The following DNAH11 variants were observed in gnomAD, a reference collection of about 807,000 sequenced individuals.
DNAH11 encodes dynein axonemal heavy chain 11, also known as axonemal beta dynein heavy chain 11.
DNAH11 carries 442 observed loss-of-function variants against 526.0 expected under a neutral mutation model. The ratio of observed to expected loss-of-function variants is 0.84; its 90% CI spans 0.78 to 0.91. DNAH11 has a LOEUF of 0.91. DNAH11 is among the 40% of genes least tolerant of loss of function. The pLI, the probability that DNAH11 is intolerant of heterozygous loss-of-function variation, is 0.00. For synonymous variants in DNAH11, 2,461 were observed against 1,935.9 expected (o/e 1.27, Z -7.12); for missense variants, 6,989 against 5,448.7 (o/e 1.28, Z -8.90).
chr7:21,715,904 C>A lies in DNAH11; in HGVS notation c.6984-1871C>A, dbSNP rs74990974. Among the ~76,000 whole-genome samples, 1,297 of 149,174 alleles carry A rather than the reference C, an allele frequency of 8.7e-3. 11 individuals carry two copies. The highest frequency in any genetic ancestry group is 0.017 in the African/African-American group (666 of 39,496). On this transcript the variant is annotated intron_variant, in intron 42 of 81. Transcript: ENST00000409508. ...TTCTCTCAAGCAGAATCGGCTCTTA[C>A]CACATCTCCTGGTTTGGTTGGACTG...
At chr7:21,810,252 A>C (rs1192037636) in intron 63 of DNAH11, among the ~76,000 whole-genome samples, 1 of 152,210 alleles carries the variant, frequency 6.6e-6, no homozygotes, top group Non-Finnish European at 1.5e-5. Context: ...GAGAAAACTG[A>C]GACAGACAAA....
In DNAH11 at chr7:21,717,880, A is replaced by G; in HGVS notation, c.7089A>G (p.Thr2363=). The G allele has an allele frequency of 2.5e-6, 4 of 1,613,848 alleles. No individual in the cohort carries two copies. The highest frequency in any genetic ancestry group is 3.4e-6 in the Non-Finnish European group (4 of 1,179,812). ...YVPACLDKLR[T]SFKTITSIPE... ...CTGCATGCTTGGATAAACTGAGAAC[A>G]AGCTTTAAAACCATCACTTCAATTC... The change falls in exon 43 of 82, where the codon ACA becomes ACG. Residue 2363 remains threonine, a synonymous_variant. Transcript: ENST00000409508.
chr7:21,749,360 C>T (rs953770538), intron 52 of DNAH11, among the ~76,000 whole-genome samples: 1 of 152,170 alleles, frequency 6.6e-6, no homozygotes, highest in African/African-American at 2.4e-5. Flanking sequence ...CTTCTTTTTA[C>T]GGCCCTGCCT....
rs764400872 is a variant in DNAH11 at position 21,611,967 on chromosome 7, ACT to A, written c.3853-3144_3853-3143del. Among the ~76,000 whole-genome samples the A allele has an allele frequency of 4.9e-4, 75 of 152,162 alleles. 1 individual carries two copies. The highest frequency in any genetic ancestry group is 9.4e-4 in the Non-Finnish European group (64 of 68,030). On this transcript the variant is annotated intron_variant, in intron 20 of 81. Coordinates refer to ENST00000409508, the MANE Select transcript of DNAH11 (RefSeq NM_001277115.2). ...CAAATTTGCTTCTTAGAAAAGACTA[ACT>A]CTATGGACAAACCTCTGGTGAAATC...
intron 40 of DNAH11, 72 bp from the exon 41 acceptor site, chr7:21,710,480 TA>T (rs1784418486): frequency 7.1e-6 from 10 of 1,400,098 alleles, no homozygotes; most frequent in Non-Finnish European, 9.7e-6. Context: ...ATTTAGTTAA[TA>T]AAAGAGCTTC....
At chr7:21,690,623 G>T (rs530465257) in intron 34 of DNAH11, 142 bp from the exon 35 acceptor site, 2 of 600,772 alleles carry the variant, frequency 3.3e-6, no homozygotes, top group South Asian at 2.4e-5. Flanking sequence ...TTCAAAATAT[G>T]TATGGGCTTA....
intron 18 of DNAH11, 87 bp from the exon 19 acceptor site, chr7:21,606,339 A>T: frequency 2.7e-6 from 3 of 1,109,816 alleles, no homozygotes; most frequent in Non-Finnish European, 3.9e-6. Context: ...AAAAAAAAAA[A>T]GAAAGAAATT....
At chr7:21,790,242 C>G (rs779087336) in intron 61 of DNAH11, among the ~76,000 whole-genome samples, 1 of 151,954 alleles carries the variant, frequency 6.6e-6, no homozygotes, top group Non-Finnish European at 1.5e-5. Flanking sequence ...ATCAGGAGAT[C>G]GAGACCATCC....
chr7:21,838,053 A>C (rs903014248), intron 65 of DNAH11, among the ~76,000 whole-genome samples: 1 of 152,250 alleles, frequency 6.6e-6, no homozygotes, highest in Non-Finnish European at 1.5e-5. Flanking sequence ...CTATACAGTG[A>C]ATAGCACTAA....
intron 31 of DNAH11, among the ~76,000 whole-genome samples, chr7:21,681,982 G>T (rs34906096): frequency 6.6e-6 from 1 of 152,082 alleles, no homozygotes; most frequent in Non-Finnish European, 1.5e-5. Context: ...GTGTGTGACC[G>T]TCTTGGTCAT....
intron 57 of DNAH11, among the ~76,000 whole-genome samples, chr7:21,781,075 C>A (rs905585093): frequency 6.6e-6 from 1 of 152,194 alleles, no homozygotes; most frequent in East Asian, 1.9e-4. Flanking sequence ...ATACCTGAAT[C>A]CATGCTCTGT....
intron 76 of DNAH11, among the ~76,000 whole-genome samples, chr7:21,885,967 C>T (rs985551629): frequency 6.6e-6 from 1 of 152,120 alleles, no homozygotes; most frequent in Non-Finnish European, 1.5e-5. Context: ...AGAGGGTGAG[C>T]GTGGTGGCTG....
intron 8 of DNAH11, among the ~76,000 whole-genome samples, chr7:21,578,817 C>G (rs901647111): frequency 1.3e-5 from 2 of 152,190 alleles, no homozygotes; most frequent in African/African-American, 4.8e-5. Context: ...CCCAACGTCT[C>G]CACTGAGATA....
intron 6 of DNAH11, among the ~76,000 whole-genome samples, chr7:21,565,328 T>C (rs1290369350): frequency 1.3e-5 from 2 of 152,172 alleles, no homozygotes; most frequent in Non-Finnish European, 2.9e-5. Context: ...TAATCACAGT[T>C]ACCTCCTAAA....
chr7:21,624,885 C>T (rs1172319687), intron 25 of DNAH11, among the ~76,000 whole-genome samples: 4 of 151,870 alleles, frequency 2.6e-5, no homozygotes, highest in African/African-American at 9.7e-5. Flanking sequence ...GAGATAAATC[C>T]CACTTGATCA....
chr7:21,628,281 T>C (rs147047741), intron 25 of DNAH11, among the ~76,000 whole-genome samples: 87 of 152,298 alleles, frequency 5.7e-4, no homozygotes, highest in African/African-American at 1.9e-3. Flanking sequence ...ATGCCTTTTA[T>C]TTCTTTCTCT....
chr7:21,578,924 A>G (rs988437641), intron 8 of DNAH11, among the ~76,000 whole-genome samples: 2 of 152,214 alleles, frequency 1.3e-5, no homozygotes, highest in African/African-American at 4.8e-5. Context: ...TAAATGGTAC[A>G]TATAATGGGC....
chr7:21,591,146 A>G (rs542565661), intron 13 of DNAH11, 39 bp from the exon 14 acceptor site: 3 of 1,525,738 alleles, frequency 2.0e-6, no homozygotes, highest in African/African-American at 1.4e-5. Context: ...AATAGCTAAC[A>G]TATTTGGCAC....
chr7:21,745,250 C>T (rs1016777962), intron 51 of DNAH11, among the ~76,000 whole-genome samples, 187 bp downstream of exon 51: 1 of 152,124 alleles, frequency 6.6e-6, no homozygotes, highest in African/African-American at 2.4e-5. Context: ...CTTACATAGG[C>T]ACACTGTTTT....
Sources: allele counts gnomAD v4.1 joint callset (sites outside exome capture counted in the v4.1 genomes callset), GRCh38; gene constraint gnomAD v4.1.1; transcripts MANE v1.5; gene names NCBI Gene and HGNC (gene_info 2026-07-23, HGNC 2026-07-21).